Variants in ARB2A observed in about 807,000 individuals in gnomAD.
The protein encoded by ARB2A is ARB2 cotranscriptional regulator A, also known as cotranscriptional regulator ARB2A.
chr5:94,036,976 G>A, the ARB2A span, among the ~76,000 whole-genome samples: 1 of 152,090 alleles, frequency 6.6e-6, no homozygotes, highest in Non-Finnish European at 1.5e-5. Flanking sequence ...CAGTGATGAA[G>A]AGCCAATTTT....
the ARB2A span, among the ~76,000 whole-genome samples, chr5:93,731,110 A>AT: frequency 6.6e-6 from 1 of 151,760 alleles, no homozygotes; most frequent in Non-Finnish European, 1.5e-5. Flanking sequence ...CTGATCACCT[A>AT]TTTTTTCCTC....
At chr5:94,061,075 A>G in the ARB2A span, among the ~76,000 whole-genome samples, 6 of 152,060 alleles carry the variant, frequency 3.9e-5, no homozygotes, top group Admixed American at 6.5e-5. Context: ...TGTCTCTACT[A>G]AAAATACAAA....
the ARB2A span, among the ~76,000 whole-genome samples, chr5:93,621,489 G>C: frequency 6.6e-6 from 1 of 152,220 alleles, no homozygotes; most frequent in Non-Finnish European, 1.5e-5. Context: ...TCCGAGGCGC[G>C]GCTGGCCGCC....
At chr5:93,683,311 T>A in the ARB2A span, 3 of 1,604,352 alleles carry the variant, frequency 1.9e-6, no homozygotes, top group African/African-American at 2.7e-5. Context: ...CAGATATACT[T>A]CAGAGTTTCA....
chr5:93,822,030 G>A, the ARB2A span, among the ~76,000 whole-genome samples: 1 of 152,152 alleles, frequency 6.6e-6, no homozygotes. Context: ...TGTGCCAGTG[G>A]TTATATTATA....
the ARB2A span, among the ~76,000 whole-genome samples, chr5:93,814,756 G>C: frequency 6.6e-6 from 1 of 152,192 alleles, no homozygotes; most frequent in Admixed American, 6.5e-5. Flanking sequence ...AACTGAATCA[G>C]TAATTATCTT....
At chr5:93,968,853 G>A in the ARB2A span, among the ~76,000 whole-genome samples, 8 of 151,998 alleles carry the variant, frequency 5.3e-5, no homozygotes, top group East Asian at 1.9e-4. Flanking sequence ...GAATTACATC[G>A]GACTTCTCTT....
chr5:93,932,195 G>A, the ARB2A span, among the ~76,000 whole-genome samples: 1 of 148,698 alleles, frequency 6.7e-6, no homozygotes, highest in Non-Finnish European at 1.5e-5. Flanking sequence ...ATCTCATATT[G>A]GTTCATGAGA....
At chr5:94,050,876 G>C in the ARB2A span, 5 of 1,281,242 alleles carry the variant, frequency 3.9e-6, no homozygotes, top group African/African-American at 1.5e-5. Flanking sequence ...AAAGTATATT[G>C]ACAATAATAT....
chr5:93,756,890 T>G, the ARB2A span, among the ~76,000 whole-genome samples: 1 of 152,044 alleles, frequency 6.6e-6, no homozygotes, highest in African/African-American at 2.4e-5. Context: ...CTGATTTACC[T>G]GAAAAAGAAT....
At chr5:93,738,100 G>A in the ARB2A span, 1 of 214,202 alleles carries the variant, frequency 4.7e-6, no homozygotes, top group African/African-American at 2.4e-5. Context: ...CAGACTCTAT[G>A]AAGAAAAGAC....
the ARB2A span, among the ~76,000 whole-genome samples, chr5:93,814,767 T>C: frequency 1.3e-5 from 2 of 152,358 alleles, no homozygotes; most frequent in East Asian, 3.9e-4. Flanking sequence ...TAATTATCTT[T>C]AATAACAATT....
At chr5:93,960,136 T>C in the ARB2A span, among the ~76,000 whole-genome samples, 1 of 129,182 alleles carries the variant, frequency 7.7e-6, no homozygotes, top group Non-Finnish European at 1.6e-5. Flanking sequence ...GTCATTACGC[T>C]TAGGAAGAGA....
chr5:93,872,295 A>G, the ARB2A span, among the ~76,000 whole-genome samples: 1 of 152,148 alleles, frequency 6.6e-6, no homozygotes, highest in Non-Finnish European at 1.5e-5. Context: ...TATTCCTTAT[A>G]AAAGTCTAAC....
chr5:94,018,674 T>A, the ARB2A span, among the ~76,000 whole-genome samples: 1 of 152,132 alleles, frequency 6.6e-6, no homozygotes, highest in African/African-American at 2.4e-5. Flanking sequence ...GTCCTTCACA[T>A]CCCTTGTAAG....
the ARB2A span, among the ~76,000 whole-genome samples, chr5:93,649,054 G>A: frequency 3.3e-5 from 5 of 152,078 alleles, no homozygotes; most frequent in East Asian, 5.8e-4. Context: ...AAAAAACATT[G>A]AAATCACCAA....
chr5:93,787,843 G>GA, the ARB2A span, among the ~76,000 whole-genome samples: 22 of 152,072 alleles, frequency 1.4e-4, no homozygotes, highest in Non-Finnish European at 2.9e-5. Flanking sequence ...TCAGCCAGGA[G>GA]GAGAAACTGA....
the ARB2A span, among the ~76,000 whole-genome samples, chr5:93,678,737 C>A: frequency 6.7e-6 from 1 of 150,304 alleles, no homozygotes; most frequent in East Asian, 1.9e-4. Flanking sequence ...GCCTGGGTAA[C>A]AGAGCAAGAC....
chr5:93,795,481 T>C, the ARB2A span, among the ~76,000 whole-genome samples: 3 of 152,164 alleles, frequency 2.0e-5, no homozygotes, highest in African/African-American at 7.2e-5. Flanking sequence ...TTCTCTTGGC[T>C]TTCTTGGTAT....
Sources: gnomAD v4.1 joint callset for allele counts (sites outside exome capture counted in the v4.1 genomes callset) on GRCh38, gnomAD v4.1.1 for gene constraint, MANE v1.5 for transcripts, NCBI Gene and HGNC (gene_info 2026-07-23, HGNC 2026-07-21) for gene names.